The following TLCD4 variants were observed in gnomAD, a reference collection of about 807,000 sequenced individuals.
TLCD4 encodes TLC domain-containing protein 4.
In TLCD4, 7 loss-of-function variants were observed where a neutral mutation model predicts 24.2. That is an observed-to-expected ratio of 0.29 (90% CI 0.16 to 0.54). The LOEUF (loss-of-function observed/expected upper bound fraction) is 0.54. TLCD4 is among the 20% of genes least tolerant of loss of function. The pLI, the probability that TLCD4 is intolerant of heterozygous loss-of-function variation, is 0.95. For missense variants in TLCD4, 259 were observed against 313.9 expected, an observed-to-expected ratio of 0.82 and a Z score of 1.32; for synonymous variants, 103 against 106.4, an observed-to-expected ratio of 0.97 and a Z score of 0.20.
At chr1:95,113,145 C>A (rs1390956780), upstream of TLCD4, among the ~76,000 whole-genome samples, 1 of 151,354 alleles carries the variant, frequency 6.6e-6, no homozygotes, top group South Asian at 2.1e-4. Flanking sequence ...TGGGTTCAAG[C>A]GATTCTCCTG....
chr1:95,159,360 A>AT (rs1297112821), intron 5 of TLCD4, among the ~76,000 whole-genome samples: 3 of 151,884 alleles, frequency 2.0e-5, no homozygotes, highest in East Asian at 1.9e-4. Context: ...GGGTTGTTTG[A>AT]TTTTTTCTTG....
the TLCD4 span, among the ~76,000 whole-genome samples, chr1:95,099,822 T>C: frequency 5.3e-5 from 8 of 152,114 alleles, no homozygotes; most frequent in South Asian, 1.5e-3. Flanking sequence ...TTTTTTTTTT[T>C]AATTATAAAA....
rs1343286492 is a variant in TLCD4, at chr1:95,193,242, A to T, written c.*1374A>T. 1 of 152,150 alleles carries T rather than the reference A, an allele frequency of 6.6e-6. No homozygotes were observed. Among genetic ancestry groups the T allele is most frequent in the African/African-American group, 2.4e-5 (1 of 41,440 alleles). The allele number at this position is 152,150 out of a possible 1,614,324, so 9.4% of individuals were successfully genotyped here. A position where few individuals can be genotyped will look rare whatever the true frequency, so the allele number is the denominator to read the frequency against. On this transcript the variant is annotated 3_prime_UTR_variant, in exon 7 of 7. Transcript: ENST00000370203. ...ATTTCTATCTTAAAGCACAGAAAAAAAAAGGTAATTTAATCCAAGTATTCT... is the reference window on the plus strand; with the variant it reads ...ATTTCTATCTTAAAGCACAGAAAAATAAAGGTAATTTAATCCAAGTATTCT...
At chr1:95,137,358 A>G (rs1180069752) in intron 1 of TLCD4, among the ~76,000 whole-genome samples, 3 of 152,124 alleles carry the variant, frequency 2.0e-5, no homozygotes, top group Non-Finnish European at 2.9e-5. Context: ...TTAAAGACAA[A>G]CACACAGACC....
At chr1:95,186,479 G>T (rs375112392) in intron 6 of TLCD4, among the ~76,000 whole-genome samples, 5 of 152,344 alleles carry the variant, frequency 3.3e-5, no homozygotes, top group East Asian at 1.9e-4. Context: ...AAGTGAAAGC[G>T]TGGAGGCTGA....
the TLCD4 span, among the ~76,000 whole-genome samples, chr1:95,099,072 A>AAAAAAAAAAC: frequency 6.6e-6 from 1 of 151,104 alleles, no homozygotes; most frequent in Non-Finnish European, 1.5e-5. Flanking sequence ...AAAAAAAAAA[A>AAAAAAAAAAC]AAAGAACAGG....
At chr1:95,145,562 T>C (rs768458800) in intron 2 of TLCD4, among the ~76,000 whole-genome samples, 1 of 152,212 alleles carries the variant, frequency 6.6e-6, no homozygotes, top group Non-Finnish European at 1.5e-5. Flanking sequence ...AAATGCATTA[T>C]ACTAGAGATA....
the TLCD4 span, among the ~76,000 whole-genome samples, chr1:95,110,207 A>G: frequency 0.71 from 107,553 of 150,952 alleles, 38,831 homozygotes; most frequent in East Asian, 0.76. Context: ...TTTGTCAATA[A>G]TTATATCTTT....
intron 6 of TLCD4, among the ~76,000 whole-genome samples, chr1:95,175,717 G>A (rs1007527802): frequency 2.6e-5 from 4 of 151,884 alleles, no homozygotes; most frequent in Non-Finnish European, 5.9e-5. Flanking sequence ...TCTTCTGATA[G>A]TAGCCATTCT....
At chr1:95,140,013 T>A (rs1677155639) in intron 1 of TLCD4, among the ~76,000 whole-genome samples, 1 of 152,124 alleles carries the variant, frequency 6.6e-6, no homozygotes, top group Non-Finnish European at 1.5e-5. Context: ...ATAACACACA[T>A]GGAGCTGTCA....
chr1:95,150,820 A>T (rs1470603342), intron 4 of TLCD4, among the ~76,000 whole-genome samples: 1 of 152,036 alleles, frequency 6.6e-6, no homozygotes, highest in Non-Finnish European at 1.5e-5. Flanking sequence ...TACCTTCCCT[A>T]TGACCATCTT....
At chr1:95,175,492 G>A (rs1177153222) in intron 6 of TLCD4, among the ~76,000 whole-genome samples, 3 of 152,172 alleles carry the variant, frequency 2.0e-5, no homozygotes, top group African/African-American at 7.2e-5. Context: ...TGCTGAAATG[G>A]ACATGGGCAT....
At chr1:95,178,895 G>A (rs1366610342) in intron 6 of TLCD4, among the ~76,000 whole-genome samples, 1 of 152,168 alleles carries the variant, frequency 6.6e-6, no homozygotes, top group Non-Finnish European at 1.5e-5. Context: ...TCTATACTCA[G>A]TGCATGGCCC....
intron 5 of TLCD4, among the ~76,000 whole-genome samples, chr1:95,166,937 G>T (rs1173243968): frequency 4.6e-5 from 7 of 151,852 alleles, no homozygotes; most frequent in African/African-American, 1.5e-4. Context: ...GTCTTACTAT[G>T]TTGACCAGGC....
At chr1:95,178,563 CTTTT>C (rs57190787) in intron 6 of TLCD4, among the ~76,000 whole-genome samples, 1 of 82,354 alleles carries the variant, frequency 1.2e-5, no homozygotes, top group Non-Finnish European at 2.2e-5. Context: ...ATGCCCAGCC[CTTTT>C]TTTTTTTTTT....
chr1:95,192,172 G>T lies in TLCD4; in HGVS notation c.*304G>T, dbSNP rs1368058428. On this transcript the variant is annotated 3_prime_UTR_variant, in exon 7 of 7. Transcript: ENST00000370203. ...AAAGTAGCTGGGCGTGGTGGTTGGC[G>T]CCTGTAATCCCAGCTACTCGGGAGG... 1 of 280,464 alleles carries T rather than the reference G, an allele frequency of 3.6e-6. No individual in the cohort carries two copies. 17.4% of individuals were successfully genotyped at this position (280,464 alleles called of 1,614,324 possible). A position where few individuals can be genotyped will look rare whatever the true frequency, so the allele number is the denominator to read the frequency against.
At chr1:95,164,579 A>C (rs1677949013) in intron 5 of TLCD4, 1 of 152,202 alleles carries the variant, frequency 6.6e-6, no homozygotes, top group African/African-American at 2.4e-5. Flanking sequence ...TGTGTCGCTC[A>C]TACTGGGAGC....
chr1:95,112,916 A>G (rs1452053639), upstream of TLCD4, among the ~76,000 whole-genome samples: 5 of 152,230 alleles, frequency 3.3e-5, no homozygotes, highest in Non-Finnish European at 7.4e-5. Context: ...TAGTCTTACT[A>G]AGTTGCCCAG....
intron 1 of TLCD4, among the ~76,000 whole-genome samples, chr1:95,123,488 G>A (rs906054648): frequency 1.3e-5 from 2 of 152,186 alleles, no homozygotes; most frequent in African/African-American, 2.4e-5. Flanking sequence ...TAAATGTTTA[G>A]TGTTTTTTTA....
Sources: gnomAD v4.1 joint callset for allele counts (sites outside exome capture counted in the v4.1 genomes callset) on GRCh38, gnomAD v4.1.1 for gene constraint, MANE v1.5 for transcripts, NCBI Gene and HGNC (gene_info 2026-07-23, HGNC 2026-07-21) for gene names.